Variants in CRTAC1 observed in about 807,000 individuals in gnomAD.
The protein encoded by CRTAC1 is cartilage acidic protein 1, also known as acidic secreted protein in cartilage.
In CRTAC1, 37 loss-of-function variants were observed where a neutral mutation model predicts 67.8. That is an observed-to-expected ratio of 0.55 (90% CI 0.42 to 0.72). The LOEUF (loss-of-function observed/expected upper bound fraction) is 0.72. CRTAC1 is among the 30% of genes least tolerant of loss of function. The probability of loss-of-function intolerance (pLI) is 0.00; values close to 1 mark genes in which losing one functional copy is unlikely to be tolerated. For missense variants in CRTAC1, 780 were observed against 931.6 expected (o/e 0.84, Z 2.12); for synonymous variants, 348 against 371.0 (o/e 0.94, Z 0.71).
chr10:97,936,098 A>T, intron 3 of CRTAC1, 72 bp downstream of exon 3: 1 of 1,425,774 alleles, frequency 7.0e-7, no homozygotes, highest in Non-Finnish European at 9.6e-7. Context: ...CAGGGTTCCC[A>T]TGGCCCTCCC....
chr10:98,014,446 GA>G (rs1330562831), intron 1 of CRTAC1, among the ~76,000 whole-genome samples: 1 of 151,964 alleles, frequency 6.6e-6, no homozygotes, highest in African/African-American at 2.4e-5. Context: ...GGCAACAAAA[GA>G]AAAAATAGCT....
intron 4 of CRTAC1, among the ~76,000 whole-genome samples, chr10:97,919,048 C>T (rs1211410051): frequency 2.6e-5 from 4 of 151,970 alleles, no homozygotes; most frequent in South Asian, 2.1e-4. Context: ...CCCGCCTCAG[C>T]CTCCCAAAGT....
intron 3 of CRTAC1, among the ~76,000 whole-genome samples, chr10:97,934,859 CTG>C (rs893429141): frequency 6.6e-6 from 1 of 151,324 alleles, no homozygotes; most frequent in Non-Finnish European, 1.5e-5. Context: ...CCTAGGGACA[CTG>C]TGACCTGGGA....
chr10:97,891,854 G>A (rs895444817), intron 11 of CRTAC1, among the ~76,000 whole-genome samples: 9 of 152,212 alleles, frequency 5.9e-5, no homozygotes, highest in African/African-American at 9.6e-5. Context: ...CCCGCCTCTC[G>A]CTGTGTCCCT....
chr10:98,030,461 G>T lies in CRTAC1; in HGVS notation c.12C>A (p.Ser4Arg). Residue 4 changes from serine (S) to arginine (R), a missense_variant, in exon 1 of 15, where the codon AGC (serine) becomes AGA (arginine). Coordinates refer to ENST00000370597, the MANE Select transcript of CRTAC1 (RefSeq NM_018058.7). The surrounding 1 kb of genome is among the most constrained non-coding windows in gnomAD (Gnocchi z 4.2). ...TGCAGATACTCACGCCGGGGTCAGCGCTCGGAGCCATCCTCCCGCTCTCGG... is the reference window on the plus strand; with the variant it reads ...TGCAGATACTCACGCCGGGGTCAGCTCTCGGAGCCATCCTCCCGCTCTCGG... MAP[S>R]ADPGMSRMLP... 3 of 1,249,838 alleles carry T rather than the reference G, an allele frequency of 2.4e-6. No homozygotes were observed. The highest frequency in any genetic ancestry group is 3.0e-6 in the Non-Finnish European group (3 of 989,212). The allele number at this position is 1,249,838 out of a possible 1,614,324, so 77.4% of individuals were successfully genotyped here. A position where few individuals can be genotyped will look rare whatever the true frequency, so the allele number is the denominator to read the frequency against.
chr10:97,987,578 C>G (rs1488718199), intron 2 of CRTAC1, among the ~76,000 whole-genome samples: 2 of 152,218 alleles, frequency 1.3e-5, no homozygotes, highest in Non-Finnish European at 2.9e-5. Context: ...CAGCAGGCTG[C>G]AAGATTTTCC....
intron 2 of CRTAC1, among the ~76,000 whole-genome samples, chr10:97,995,766 C>T (rs149884022): frequency 1.1e-4 from 17 of 152,166 alleles, no homozygotes; most frequent in African/African-American, 4.1e-4. Flanking sequence ...GATAGGGTTA[C>T]AGAACCCTAC....
intron 2 of CRTAC1, among the ~76,000 whole-genome samples, chr10:97,966,347 T>C (rs186203735): frequency 6.6e-6 from 1 of 152,260 alleles, no homozygotes; most frequent in South Asian, 2.1e-4. Flanking sequence ...TGGCCTCAAG[T>C]GGTCTGCCCC....
intron 2 of CRTAC1, among the ~76,000 whole-genome samples, chr10:97,997,451 CAAAAAAAAA>C (rs746635057): frequency 2.1e-5 from 1 of 48,234 alleles, no homozygotes; most frequent in African/African-American, 7.7e-5. Flanking sequence ...GACTCTGTCT[CAAAAAAAAA>C]AAAAAAAAAA....
intron 2 of CRTAC1, among the ~76,000 whole-genome samples, chr10:97,968,881 C>G (rs982630459): frequency 6.6e-6 from 1 of 152,198 alleles, no homozygotes; most frequent in South Asian, 2.1e-4. Flanking sequence ...TGGGTCCTAT[C>G]CCCAAAGATT....
At chr10:97,876,020 T>C (rs479776) in intron 14 of CRTAC1, 64,769 of 152,088 alleles carry the variant, frequency 0.43, 14,793 homozygotes, top group East Asian at 0.56. Context: ...CCACCTCTTC[T>C]TGCAGACTTG....
At chr10:97,982,299 G>T (rs2051904463) in intron 2 of CRTAC1, among the ~76,000 whole-genome samples, 1 of 152,180 alleles carries the variant, frequency 6.6e-6, no homozygotes, top group Non-Finnish European at 1.5e-5. Context: ...ACCCTTCAAG[G>T]TCAACACAAA....
intron 14 of CRTAC1, among the ~76,000 whole-genome samples, chr10:97,874,550 G>A (rs775058269): frequency 2.6e-5 from 4 of 152,168 alleles, no homozygotes; most frequent in Non-Finnish European, 4.4e-5. Flanking sequence ...CCCACCACAG[G>A]TGTCCTGGGT....
intron 4 of CRTAC1, among the ~76,000 whole-genome samples, chr10:97,922,624 C>T (rs2050856938): frequency 6.6e-6 from 1 of 152,228 alleles, no homozygotes; most frequent in South Asian, 2.1e-4. Flanking sequence ...TGCCCCCTCA[C>T]CGGGCAGATG....
chr10:97,968,346 G>A (rs1239357812), intron 2 of CRTAC1, among the ~76,000 whole-genome samples: 3 of 152,146 alleles, frequency 2.0e-5, no homozygotes, highest in South Asian at 2.1e-4. Context: ...AGGTTCAAGC[G>A]ATTCTCCTGC....
intron 2 of CRTAC1, 76 bp from the exon 3 acceptor site, chr10:97,936,442 G>T (rs1305473861): frequency 1.6e-6 from 2 of 1,253,930 alleles, no homozygotes; most frequent in East Asian, 2.4e-5. Flanking sequence ...AGAGCAACGG[G>T]CTGGGAGTCC....
intron 13 of CRTAC1, among the ~76,000 whole-genome samples, chr10:97,880,959 C>T (rs1242904507): frequency 6.6e-6 from 1 of 152,160 alleles, no homozygotes; most frequent in Admixed American, 6.5e-5. Flanking sequence ...GTCCACTCTG[C>T]CCCGCAGTCC....
chr10:98,008,768 G>T (rs1286705682), intron 2 of CRTAC1, among the ~76,000 whole-genome samples: 1 of 152,088 alleles, frequency 6.6e-6, no homozygotes, highest in Non-Finnish European at 1.5e-5. Context: ...AAGATGAAAG[G>T]AGGGCATAAT....
chr10:97,880,624 C>A (rs1035811442), intron 13 of CRTAC1, among the ~76,000 whole-genome samples: 1 of 152,128 alleles, frequency 6.6e-6, no homozygotes, highest in African/African-American at 2.4e-5. Context: ...CTACTACAAT[C>A]GTTCTAGGTG....
Sources: allele counts gnomAD v4.1 joint callset (sites outside exome capture counted in the v4.1 genomes callset), GRCh38; gene constraint gnomAD v4.1.1; non-coding constraint Gnocchi (gnomAD v3.1); transcripts MANE v1.5; gene names NCBI Gene and HGNC (gene_info 2026-07-23, HGNC 2026-07-21).